MERTK: variants seen among roughly 807,000 people sequenced by gnomAD.
The protein encoded by MERTK is tyrosine-protein kinase Mer.
Under a neutral mutation model 99.3 loss-of-function variants are expected in MERTK, and 69 were observed. That is an observed-to-expected ratio of 0.70 (90% CI 0.57 to 0.85). The LOEUF is 0.85. Among genes scored for constraint, MERTK ranks in the 40% least tolerant of loss-of-function variants. The pLI is 0.00. For missense variants in MERTK, 1,125 were observed against 1,249.4 expected, an observed-to-expected ratio of 0.90 and a Z score of 1.50; for synonymous variants, 426 against 467.6, an observed-to-expected ratio of 0.91 and a Z score of 1.15.
intron 8 of MERTK, among the ~76,000 whole-genome samples, chr2:111,988,469 C>G (rs1676539783): frequency 6.6e-6 from 1 of 152,140 alleles, no homozygotes; most frequent in Non-Finnish European, 1.5e-5. Context: ...CTCTAATGCA[C>G]TAAGACTTGA....
intron 13 of MERTK, among the ~76,000 whole-genome samples, chr2:112,006,756 A>G (rs1471744540): frequency 6.6e-6 from 1 of 152,220 alleles, no homozygotes; most frequent in Non-Finnish European, 1.5e-5. Flanking sequence ...AATAGTCTGC[A>G]GGCAGAGCCC....
At chr2:112,022,563 A>T (rs747105376) in intron 18 of MERTK, 169 bp downstream of exon 18, 17 of 995,524 alleles carry the variant, frequency 1.7e-5, no homozygotes, top group Non-Finnish European at 2.7e-5. Flanking sequence ...GCCATTCCTG[A>T]TGTGGGAGAT....
intron 1 of MERTK, among the ~76,000 whole-genome samples, chr2:111,911,761 C>T (rs1250909142): frequency 7.5e-6 from 1 of 133,932 alleles, no homozygotes; most frequent in Non-Finnish European, 1.5e-5. Flanking sequence ...GCCATCATAG[C>T]TCACTGGAGC....
chr2:111,986,178 A>G (rs1676475211), intron 8 of MERTK, among the ~76,000 whole-genome samples: 1 of 152,234 alleles, frequency 6.6e-6, no homozygotes, highest in African/African-American at 2.4e-5. Context: ...TGATCATGGT[A>G]TTAATTCATT....
chr2:111,981,228 A>G (rs887406529), intron 7 of MERTK, among the ~76,000 whole-genome samples: 1 of 152,162 alleles, frequency 6.6e-6, no homozygotes, highest in African/African-American at 2.4e-5. Flanking sequence ...AGTTTGGTGT[A>G]TATTATTCTA....
chr2:111,972,675 T>C (rs1179302675), intron 6 of MERTK, among the ~76,000 whole-genome samples: 3 of 152,152 alleles, frequency 2.0e-5, no homozygotes, highest in Non-Finnish European at 4.4e-5. Flanking sequence ...CTTTCTCCTT[T>C]CCATCTCTGG....
intron 6 of MERTK, among the ~76,000 whole-genome samples, chr2:111,974,582 C>T (rs746126276): frequency 1.3e-5 from 2 of 151,656 alleles, no homozygotes; most frequent in African/African-American, 4.8e-5. Context: ...CCAGCATGGC[C>T]GACATAGTGA....
chr2:111,977,707 G>A (rs1676282043), intron 7 of MERTK, among the ~76,000 whole-genome samples: 1 of 151,876 alleles, frequency 6.6e-6, no homozygotes, highest in African/African-American at 2.4e-5. Flanking sequence ...ATTTGAAGTT[G>A]TCCCATAACT....
chr2:111,963,294 G>A (rs1685288215), intron 4 of MERTK, among the ~76,000 whole-genome samples: 1 of 152,206 alleles, frequency 6.6e-6, no homozygotes, highest in South Asian at 2.1e-4. Context: ...ACATTCCATT[G>A]CCCAGGGATG....
intron 8 of MERTK, among the ~76,000 whole-genome samples, chr2:111,987,800 T>A (rs1467241754): frequency 6.6e-6 from 1 of 152,202 alleles, no homozygotes; most frequent in Non-Finnish European, 1.5e-5. Flanking sequence ...TAACTCTGTT[T>A]AACTTTGACC....
chr2:111,923,905 C>CA (rs1184791125), intron 1 of MERTK, among the ~76,000 whole-genome samples: 2 of 152,154 alleles, frequency 1.3e-5, no homozygotes, highest in African/African-American at 4.8e-5. Flanking sequence ...CATCATTGCC[C>CA]AAACCCTTGG....
intron 9 of MERTK, chr2:111,996,562 A>ATT: frequency 6.4e-6 from 1 of 155,068 alleles, no homozygotes; most frequent in Non-Finnish European, 1.5e-5. Context: ...ATAGTGTTCA[A>ATT]CGTAAAATTT....
intron 1 of MERTK, among the ~76,000 whole-genome samples, chr2:111,924,268 G>T (rs1446120969): frequency 1.3e-5 from 2 of 152,140 alleles, no homozygotes; most frequent in Non-Finnish European, 2.9e-5. Context: ...ATTCCCGTTG[G>T]CAACCCTATG....
chr2:111,996,238 A>G (rs534552853), intron 9 of MERTK: 33 of 154,372 alleles, frequency 2.1e-4, no homozygotes, highest in African/African-American at 7.5e-4. Flanking sequence ...TATAGTTCCA[A>G]TTTTAGTTAC....
At position 111,963,059 on chromosome 2, in the gene MERTK, G is replaced by A. The variant is rs1573603917; in HGVS notation, c.758-2132G>A. Among the ~76,000 whole-genome samples, 3 of 152,226 alleles carry A rather than the reference G, an allele frequency of 2.0e-5. No homozygotes were observed. In the East Asian group the frequency reaches 5.8e-4, roughly 29 times the overall value. On this transcript the variant is annotated intron_variant, in intron 4 of 18. Transcript: ENST00000295408. ...TTTCTCGGAGAGGGGGATGTGGCAGGGTCATAGGATAATAGTGGAGAGAAG... is the reference window on the plus strand; with the variant it reads ...TTTCTCGGAGAGGGGGATGTGGCAGAGTCATAGGATAATAGTGGAGAGAAG...
chr2:111,967,638 AT>A lies in MERTK; in HGVS notation c.845-498del, dbSNP rs747733602. On this transcript the variant is annotated intron_variant, in intron 5 of 18. Transcript: ENST00000295408. ...GAAAGCTCCCCCTACACATGCACAC[AT>A]ACACATGCACACTCATGCGTGCACA... Among the ~76,000 whole-genome samples the A allele has an allele frequency of 1.6e-4, 25 of 152,114 alleles. 1 individual carries two copies. The highest frequency in any genetic ancestry group is 3.2e-4 in the Non-Finnish European group (22 of 67,994).
At chr2:111,982,679 A>C (rs986352382) in intron 7 of MERTK, among the ~76,000 whole-genome samples, 163 bp from the exon 8 acceptor site, 3 of 152,192 alleles carry the variant, frequency 2.0e-5, no homozygotes, top group Non-Finnish European at 2.9e-5. Context: ...CTGATATCTC[A>C]GTGAAAATCT....
At chr2:111,989,566 A>G (rs748025612) in intron 8 of MERTK, among the ~76,000 whole-genome samples, 6 of 152,162 alleles carry the variant, frequency 3.9e-5, no homozygotes, top group Non-Finnish European at 8.8e-5. Flanking sequence ...CGTGTTAGCC[A>G]GGATGGTCTT....
At chr2:111,955,491 C>G (rs1176384331) in intron 4 of MERTK, among the ~76,000 whole-genome samples, 1 of 152,138 alleles carries the variant, frequency 6.6e-6, no homozygotes, top group African/African-American at 2.4e-5. Context: ...GGCAATGGAA[C>G]AGTTCTGTAG....
Sources: gnomAD v4.1 joint callset for allele counts (sites outside exome capture counted in the v4.1 genomes callset) on GRCh38, gnomAD v4.1.1 for gene constraint, MANE v1.5 for transcripts, NCBI Gene and HGNC (gene_info 2026-07-23, HGNC 2026-07-21) for gene names.